Variants in PCDHGB7 observed in about 807,000 individuals in gnomAD.
PCDHGB7 encodes protocadherin gamma-B7.
In PCDHGB7, 37 loss-of-function variants were observed where a neutral mutation model predicts 61.4. That is an observed-to-expected ratio of 0.60 (90% CI 0.46 to 0.79). The LOEUF (loss-of-function observed/expected upper bound fraction) is 0.79, where lower values mean the gene tolerates loss of function less well. PCDHGB7 is among the 30% of genes least tolerant of loss of function. The probability of loss-of-function intolerance (pLI) is 0.00; values close to 1 mark genes in which losing one functional copy is unlikely to be tolerated. For synonymous variants in PCDHGB7, 464 were observed against 503.5 expected, an observed-to-expected ratio of 0.92 and a Z score of 1.05; for missense variants, 1,166 against 1,202.5, an observed-to-expected ratio of 0.97 and a Z score of 0.45.
At chr5:141,473,907 C>A (rs552055360) in intron 1 of PCDHGB7, among the ~76,000 whole-genome samples, 1 of 152,102 alleles carries the variant, frequency 6.6e-6, no homozygotes. Flanking sequence ...ATGAAGAGGT[C>A]TTAAGAAAAC....
chr5:141,442,321 C>G (rs1323525940), intron 1 of PCDHGB7: 1 of 152,360 alleles, frequency 6.6e-6, no homozygotes, highest in African/African-American at 2.4e-5. Context: ...ATGTCTATCC[C>G]GCGCTAAGCC....
At chr5:141,427,683 G>A (rs761750638) in intron 1 of PCDHGB7, 3 of 836,052 alleles carry the variant, frequency 3.6e-6, no homozygotes, top group South Asian at 2.8e-5. Flanking sequence ...CCTTCCCGGA[G>A]CCTCCATCCC....
At chr5:141,420,314 A>C (rs1454977890) in intron 1 of PCDHGB7, 40 bp downstream of exon 1, 1 of 1,442,690 alleles carries the variant, frequency 6.9e-7, no homozygotes. Flanking sequence ...TTTATATTAC[A>C]ATATGCCAAT....
chr5:141,437,000 G>A (rs1197061999), intron 1 of PCDHGB7, among the ~76,000 whole-genome samples: 1 of 152,198 alleles, frequency 6.6e-6, no homozygotes, highest in Non-Finnish European at 1.5e-5. Flanking sequence ...TTACTTCAAT[G>A]GGATCTTAGA....
intron 2 of PCDHGB7, among the ~76,000 whole-genome samples, chr5:141,500,289 A>G (rs1440166636): frequency 6.6e-6 from 1 of 151,486 alleles, no homozygotes; most frequent in African/African-American, 2.4e-5. Flanking sequence ...GCTCACTGCA[A>G]GCTCCGCCTC....
intron 3 of PCDHGB7, among the ~76,000 whole-genome samples, chr5:141,509,345 G>A (rs1203328830): frequency 6.6e-6 from 1 of 152,196 alleles, no homozygotes; most frequent in Non-Finnish European, 1.5e-5. Flanking sequence ...GGCCTGGGCT[G>A]GCCTGGGCAT....
intron 1 of PCDHGB7, among the ~76,000 whole-genome samples, chr5:141,455,783 T>G (rs1475277198): frequency 1.3e-5 from 2 of 152,066 alleles, no homozygotes; most frequent in Non-Finnish European, 2.9e-5. Context: ...AAAAGAAACT[T>G]TTCCGGAGAT....
At position 141,489,219 on chromosome 5, in the gene PCDHGB7, T is replaced by C; in HGVS notation, c.2416-5588T>C. 1 of 1,502,828 alleles carries C rather than the reference T, an allele frequency of 6.7e-7. No homozygotes were observed. Among genetic ancestry groups the C allele is most frequent in the Non-Finnish European group, 8.9e-7 (1 of 1,117,962 alleles). 93.1% of individuals were successfully genotyped at this position (1,502,828 alleles called of 1,614,324 possible). On this transcript the variant is annotated intron_variant, in intron 1 of 3. Transcript: ENST00000398594. This position sits in a 1 kb window ranked among gnomAD's most constrained non-coding sequence, Gnocchi z 4.5. ...GAGACAGGACAGCACAGACTTACTC[T>C]CCACAAAGGGACTTCTGGGTCATGG...
chr5:141,461,429 T>A lies in PCDHGB7; in HGVS notation c.2416-33378T>A, dbSNP rs193056679. On this transcript the variant is annotated intron_variant, in intron 1 of 3. Coordinates refer to ENST00000398594, the MANE Select transcript of PCDHGB7 (RefSeq NM_018927.4). The stretch of plus-strand genomic sequence containing the variant: ...TTTTCATATGTTTGTGGGCCATTTG[T>A]ATACCTTCTTTTGAGAAATGGCTAT... Among the ~76,000 whole-genome samples the A allele has an allele frequency of 5.6e-4, 85 of 152,328 alleles. 1 individual carries two copies. The highest frequency in any genetic ancestry group is 1.5e-3 in the African/African-American group (64 of 41,580).
intron 1 of PCDHGB7, chr5:141,429,222 T>C (rs897099159): frequency 6.6e-6 from 1 of 151,494 alleles, no homozygotes; most frequent in Non-Finnish European, 1.5e-5. Context: ...AAAGTGGGTA[T>C]TATGATACTG....
intron 1 of PCDHGB7, among the ~76,000 whole-genome samples, chr5:141,460,344 A>G (rs930557610): frequency 7.2e-5 from 11 of 152,060 alleles, no homozygotes; most frequent in African/African-American, 2.2e-4. Context: ...ATTTTCTCCT[A>G]TATTTTCTTT....
chr5:141,491,598 C>T lies in PCDHGB7; in HGVS notation c.2416-3209C>T, dbSNP rs1410472886. On this transcript the variant is annotated intron_variant, in intron 1 of 3. Transcript: ENST00000398594. This position sits in a 1 kb window ranked among gnomAD's most constrained non-coding sequence, Gnocchi z 6.9. ...TTTCACCGGCCTCGGACGGCAGTGA[C>T]TTCACTTTTCTAAGACCCCTCAGCG... 1.4e-5 allele frequency: 22 copies of T among 1,613,872 alleles called. No homozygotes were observed. The highest frequency in any genetic ancestry group is 1.8e-5 in the Non-Finnish European group (21 of 1,180,048).
rs2096282239 is a variant in PCDHGB7 at position 141,418,707 on chromosome 5, G to T, written c.848G>T (p.Gly283Val). The change falls in exon 1 of 4, where the codon GGT becomes GTT. Residue 283 changes from glycine to valine, a missense_variant. Physicochemically the swap from Gly to Val is moderately radical, Grantham distance 109. Transcript: ENST00000398594. ...TCAGAGATCACTTATTCCTTCTTTGGTGTGGCTGACAAAGCTCAGCACGTG... is the reference window on the plus strand; with the variant it reads ...TCAGAGATCACTTATTCCTTCTTTGTTGTGGCTGACAAAGCTCAGCACGTG... ...INSEITYSFF[G>V]VADKAQHVFS... is the part of the protein sequence containing the mutation. 6.2e-7 allele frequency: 1 copy of T among 1,614,016 alleles called. No individual in the cohort carries two copies. The highest frequency in any genetic ancestry group is 8.5e-7 in the Non-Finnish European group (1 of 1,179,876).
At chr5:141,433,406 T>C (rs2097604777) in intron 1 of PCDHGB7, among the ~76,000 whole-genome samples, 1 of 149,982 alleles carries the variant, frequency 6.7e-6, no homozygotes, top group Non-Finnish European at 1.5e-5. Flanking sequence ...TATCTATCTA[T>C]TACTTTCTTG....
At position 141,489,135 on chromosome 5, in the gene PCDHGB7, G is replaced by T; in HGVS notation, c.2416-5672G>T. The T allele has an allele frequency of 1.4e-6, 1 of 725,448 alleles. No individual in the cohort carries two copies. The highest frequency in any genetic ancestry group is 2.1e-6 in the Non-Finnish European group (1 of 470,770). 44.9% of individuals were successfully genotyped at this position (725,448 alleles called of 1,614,324 possible). ...GCAAACCTCCGAGCAGTTTTTAAGA[G>T]GCTGGAAGGAGACATAAGAGACTTC... On this transcript the variant is annotated intron_variant, in intron 1 of 3. Coordinates refer to ENST00000398594, the MANE Select transcript of PCDHGB7 (RefSeq NM_018927.4). The surrounding 1 kb of genome is among the most constrained non-coding windows in gnomAD (Gnocchi z 4.5).
intron 1 of PCDHGB7, chr5:141,423,556 G>A (rs926962652): frequency 2.5e-6 from 4 of 1,613,550 alleles, no homozygotes; most frequent in African/African-American, 2.7e-5. Flanking sequence ...GCCCAACTAT[G>A]GGGACACGCT....
At chr5:141,427,249 G>A (rs1417336994) in intron 1 of PCDHGB7, 1 of 456,742 alleles carries the variant, frequency 2.2e-6, no homozygotes, top group African/African-American at 2.0e-5. Context: ...GCTAAGGATG[G>A]TGGAGGCATG....
intron 1 of PCDHGB7, among the ~76,000 whole-genome samples, chr5:141,464,222 G>A (rs1189319398): frequency 2.7e-5 from 4 of 147,818 alleles, no homozygotes; most frequent in African/African-American, 7.5e-5. Flanking sequence ...CTGAGATTGC[G>A]CCACTGCACT....
Position 141,487,591 on chromosome 5 carries a change from C to G in PCDHGB7, c.2416-7216C>G, listed in dbSNP as rs2099653282. The G allele has an allele frequency of 1.2e-6, 2 of 1,614,176 alleles. No individual in the cohort carries two copies. The highest frequency in any genetic ancestry group is 1.7e-6 in the Non-Finnish European group (2 of 1,180,036). ...AGCCTGTTCGCCCAAGCTGCCCACC[C>G]TCTGATCTTCTCTATGGGCTAGAGG... is the stretch of plus-strand genomic sequence containing the variant. On this transcript the variant is annotated intron_variant, in intron 1 of 3. Coordinates refer to ENST00000398594, the MANE Select transcript of PCDHGB7 (RefSeq NM_018927.4). The surrounding 1 kb of genome is among the most constrained non-coding windows in gnomAD (Gnocchi z 5.0).
Sources: gnomAD v4.1 joint callset for allele counts (sites outside exome capture counted in the v4.1 genomes callset) on GRCh38, gnomAD v4.1.1 for gene constraint, Gnocchi (gnomAD v3.1) non-coding constraint, MANE v1.5 for transcripts, NCBI Gene and HGNC (gene_info 2026-07-23, HGNC 2026-07-21) for gene names.